STON1: variants seen among roughly 807,000 people sequenced by gnomAD.
STON1 encodes the protein stonin-1.
In STON1, 79 loss-of-function variants were observed where a neutral mutation model predicts 60.9. That is an observed-to-expected ratio of 1.30 (90% CI 1.08 to 1.56). The LOEUF is 1.56. STON1 is among the 40% of genes most tolerant of loss of function. STON1 has a pLI of 0.00. For synonymous variants in STON1, 363 were observed against 306.9 expected (o/e 1.18, Z -1.91); for missense variants, 1,166 against 858.9 (o/e 1.36, Z -4.47).
At chr2:48,579,763 T>G (rs1340958345) in intron 1 of STON1, among the ~76,000 whole-genome samples, 1 of 152,198 alleles carries the variant, frequency 6.6e-6, no homozygotes, top group Non-Finnish European at 1.5e-5. Context: ...TATTGTTTCT[T>G]TAGTGGTCTT....
rs776501417 is a variant in STON1, at chr2:48,582,512, G to A, written c.1879G>A (p.Ala627Thr). 1 of 1,614,136 alleles carries A rather than the reference G, an allele frequency of 6.2e-7. No homozygotes were observed. Among genetic ancestry groups the A allele is most frequent in the South Asian group, 1.1e-5 (1 of 91,062 alleles). Residue 627 changes from alanine (A) to threonine (T), a missense_variant, in exon 2 of 4, where the codon GCC (alanine) becomes ACC (threonine). Coordinates refer to ENST00000404752, the MANE Select transcript of STON1 (RefSeq NM_006873.4). Reference protein sequence around the residue: ...VTVGSAKYESAYQAVVWKIDR... With the variant: ...VTVGSAKYESTYQAVVWKIDR... ...TGTGGGGTCAGCAAAATATGAGAGT[G>A]CCTACCAGGCAGTGGTATGGAAGAT...
At chr2:48,579,760 T>G (rs1022633909) in intron 1 of STON1, among the ~76,000 whole-genome samples, 1 of 152,218 alleles carries the variant, frequency 6.6e-6, no homozygotes. Flanking sequence ...GTCTATTGTT[T>G]CTTTAGTGGT....
intron 1 of STON1, among the ~76,000 whole-genome samples, chr2:48,563,405 G>T (rs572551989): frequency 2.0e-5 from 3 of 152,290 alleles, no homozygotes; most frequent in African/African-American, 7.2e-5. Flanking sequence ...GAAAGCAAAG[G>T]CAGGGATGTC....
At chr2:48,549,516 C>G (rs1486656511) in intron 1 of STON1, among the ~76,000 whole-genome samples, 2 of 151,936 alleles carry the variant, frequency 1.3e-5, no homozygotes, top group East Asian at 3.9e-4. Flanking sequence ...GTCAGTGGTT[C>G]AAGAAGCATC....
intron 1 of STON1, among the ~76,000 whole-genome samples, chr2:48,557,099 G>T (rs1262588327): frequency 1.9e-5 from 2 of 105,754 alleles, no homozygotes; most frequent in African/African-American, 3.5e-5. Context: ...CCTCCCGGAC[G>T]GGGTGGCTGC....
chr2:48,543,671 A>G lies in STON1; in HGVS notation c.-48+13455A>G, dbSNP rs1671750651. Among the ~76,000 whole-genome samples the G allele has an allele frequency of 2.0e-5, 3 of 151,334 alleles. No individual in the cohort carries two copies. In the Admixed American group the frequency reaches 2.0e-4, roughly 10 times the overall value. On this transcript the variant is annotated intron_variant, in intron 1 of 3. Coordinates refer to ENST00000404752, the MANE Select transcript of STON1 (RefSeq NM_006873.4). ...CTCAGCCTCCCAAGTAGCTGGGACT[A>G]TAGGCATACACCACCATGCCTAGCT...
intron 3 of STON1, among the ~76,000 whole-genome samples, chr2:48,592,198 C>T (rs540347065): frequency 6.6e-6 from 1 of 152,214 alleles, no homozygotes; most frequent in African/African-American, 2.4e-5. Flanking sequence ...AATTATCCAA[C>T]AAAAGAATAA....
At chr2:48,547,356 A>G (rs1671901416) in intron 1 of STON1, among the ~76,000 whole-genome samples, 1 of 152,156 alleles carries the variant, frequency 6.6e-6, no homozygotes, top group Non-Finnish European at 1.5e-5. Flanking sequence ...GAGTGTGTTC[A>G]TGACAGGCCC....
At chr2:48,567,929 G>GATATAGGGAGT (rs1673018369) in intron 1 of STON1, among the ~76,000 whole-genome samples, 1 of 143,476 alleles carries the variant, frequency 7.0e-6, no homozygotes, top group South Asian at 2.2e-4. Context: ...GGAGTCTGGC[G>GATATAGGGAGT]CTATAGGGAG....
intron 1 of STON1, among the ~76,000 whole-genome samples, chr2:48,552,866 A>G (rs1288620917): frequency 6.6e-6 from 1 of 152,228 alleles, no homozygotes; most frequent in African/African-American, 2.4e-5. Context: ...AAACATGTAG[A>G]GGTTGAAAAT....
chr2:48,573,431 T>C (rs1262009888), intron 1 of STON1, among the ~76,000 whole-genome samples: 1 of 152,220 alleles, frequency 6.6e-6, no homozygotes, highest in Non-Finnish European at 1.5e-5. Flanking sequence ...TCAGCCGCCA[T>C]AGCATCACTT....
At chr2:48,566,775 A>G (rs1389452161) in intron 1 of STON1, among the ~76,000 whole-genome samples, 1 of 152,222 alleles carries the variant, frequency 6.6e-6, no homozygotes, top group African/African-American at 2.4e-5. Context: ...TGAAACAAAC[A>G]TTGAATTCTT....
At position 48,591,927 on chromosome 2, in the gene STON1, G is replaced by A. The variant is rs112995760; in HGVS notation, c.2133+72G>A. 381 of 1,542,900 alleles carry A rather than the reference G, an allele frequency of 2.5e-4. No individual in the cohort carries two copies. The African/African-American group carries it at 3.9e-3, about 16-fold the overall frequency. Reference sequence around the variant, plus strand: ...ATTTGTTTTGCTGTCTTTTGTGATCGTGTATGTGTTGTGTGTGTGTGTATA... The same window carrying A: ...ATTTGTTTTGCTGTCTTTTGTGATCATGTATGTGTTGTGTGTGTGTGTATA... On this transcript the variant is annotated intron_variant, in intron 3 of 3. Coordinates refer to ENST00000404752, the MANE Select transcript of STON1 (RefSeq NM_006873.4).
At chr2:48,594,806 G>A (rs990675945) in intron 3 of STON1, among the ~76,000 whole-genome samples, 20 of 152,094 alleles carry the variant, frequency 1.3e-4, no homozygotes, top group African/African-American at 4.6e-4. Context: ...TTTGTAAGAT[G>A]GCTTGTTTCA....
chr2:48,543,167 G>C (rs2103761908), intron 1 of STON1, among the ~76,000 whole-genome samples: 1 of 151,998 alleles, frequency 6.6e-6, no homozygotes, highest in Non-Finnish European at 1.5e-5. Flanking sequence ...TAGAGATGGG[G>C]TTTCACCATG....
chr2:48,565,318 C>T (rs142850748), intron 1 of STON1, among the ~76,000 whole-genome samples: 6,306 of 152,208 alleles, frequency 0.041, 147 homozygotes, highest in Non-Finnish European at 0.045. Context: ...TCCCAAAGTG[C>T]CAGGATTACA....
At chr2:48,533,585 G>A (rs1479930696) in intron 1 of STON1, among the ~76,000 whole-genome samples, 1 of 148,436 alleles carries the variant, frequency 6.7e-6, no homozygotes, top group Non-Finnish European at 1.5e-5. Context: ...AGCTACTCGG[G>A]AGGCTGAAGC....
Position 48,580,858 on chromosome 2 carries a change from T to C in STON1, c.225T>C (p.Pro75=). 6.4e-7 allele frequency: 1 copy of C among 1,563,514 alleles called. No individual in the cohort carries two copies. The highest frequency in any genetic ancestry group is 8.6e-7 in the Non-Finnish European group (1 of 1,159,828). Residue 75 remains proline (P), a synonymous_variant, in exon 2 of 4, where the codon CCT becomes CCC. Transcript: ENST00000404752. The part of the protein sequence containing the change: ...PIVDFYFSPG[P]PSNSPLSTPT... ...TAGATTTTTATTTCAGTCCAGGACC[T>C]CCAAGTAACTCTCCTCTTTCTACAC...
intron 1 of STON1, among the ~76,000 whole-genome samples, chr2:48,568,610 A>G (rs1442223846): frequency 2.0e-5 from 3 of 152,206 alleles, no homozygotes; most frequent in African/African-American, 7.2e-5. Context: ...AAATCTATTT[A>G]TTAGACAACA....
Sources: allele counts gnomAD v4.1 joint callset (sites outside exome capture counted in the v4.1 genomes callset), GRCh38; gene constraint gnomAD v4.1.1; transcripts MANE v1.5; gene names NCBI Gene and HGNC (gene_info 2026-07-23, HGNC 2026-07-21).